The following CFAP54 variants were observed in gnomAD, a reference collection of about 807,000 sequenced individuals.
The protein encoded by CFAP54 is cilia- and flagella-associated protein 54.
In CFAP54, 290 loss-of-function variants were observed where a neutral mutation model predicts 370.4. The ratio of observed to expected loss-of-function variants is 0.78; its 90% CI spans 0.71 to 0.86. CFAP54 has a LOEUF of 0.86. CFAP54 is among the 40% of genes least tolerant of loss of function. CFAP54 has a pLI of 0.00. For missense variants in CFAP54, 3,399 were observed against 3,528.7 expected (o/e 0.96, Z 0.93); for synonymous variants, 1,206 against 1,236.5 (o/e 0.98, Z 0.52).
At chr12:96,609,550 C>T (rs1383611672) in intron 26 of CFAP54, among the ~76,000 whole-genome samples, 2 of 152,022 alleles carry the variant, frequency 1.3e-5, no homozygotes, top group African/African-American at 4.8e-5. Context: ...TGACTCCTAA[C>T]AGTGAGATTC....
At position 96,651,775 on chromosome 12, in the gene CFAP54, T is replaced by TTGACA; in HGVS notation, c.5063_5067dup (p.Leu1690ThrfsTer3). 6.2e-7 allele frequency: 1 copy of TTGACA among 1,612,046 alleles called. No homozygotes were observed. The highest frequency in any genetic ancestry group is 8.5e-7 in the Non-Finnish European group (1 of 1,178,118). Reference sequence around the variant, plus strand: ...TTCTATTTGGGAGCAGAATTACTTATTGACATGTTAATACAACTACAAAAT... The same window carrying TTGACA: ...TTCTATTTGGGAGCAGAATTACTTATTGACATGACATGTTAATACAACTACAAAAT... On this transcript the variant is annotated frameshift_variant, in exon 36 of 68. Coordinates refer to ENST00000524981, the MANE Select transcript of CFAP54 (RefSeq NM_001306084.2). LOFTEE classifies it high-confidence loss of function.
At position 96,630,580 on chromosome 12, in the gene CFAP54, T is replaced by TA. The variant is rs1274191949; in HGVS notation, c.4253dup (p.Glu1419GlyfsTer9). On this transcript the variant is annotated frameshift_variant, in exon 32 of 68. Transcript: ENST00000524981. LOFTEE classifies it high-confidence loss of function. ...CAGAAATGCAACAAAGAATAAGAAG[T>TA]AAAAAAAAGGAAACTCTAAGAGATT... 5.6e-5 allele frequency: 83 copies of TA among 1,487,032 alleles called. No homozygotes were observed. Among genetic ancestry groups the TA allele is most frequent in the Admixed American group, 2.3e-4 (10 of 42,962 alleles). 92.1% of individuals were successfully genotyped at this position (1,487,032 alleles called of 1,614,324 possible). A position where few individuals can be genotyped will look rare whatever the true frequency, so the allele number is the denominator to read the frequency against.
intron 46 of CFAP54, among the ~76,000 whole-genome samples, chr12:96,700,495 T>A (rs1387435901): frequency 6.6e-6 from 1 of 152,240 alleles, no homozygotes; most frequent in Non-Finnish European, 1.5e-5. Context: ...TTGATTTTCA[T>A]ACTTTATACC....
rs1040976570 is a variant in CFAP54 at position 96,765,330 on chromosome 12, T to C, written c.8281+112T>C. On this transcript the variant is annotated intron_variant, in intron 60 of 67. Transcript: ENST00000524981. ...GCTTTTAGCTTAGATGGGATAATGT[T>C]TGGGGGCACTTCCAGGGGATCATAG... The C allele has an allele frequency of 2.5e-5, 25 of 1,001,268 alleles. No individual in the cohort carries two copies. The East Asian group carries it at 3.1e-4, about 13-fold the overall frequency. 62.0% of individuals were successfully genotyped at this position (1,001,268 alleles called of 1,614,324 possible). A position where few individuals can be genotyped will look rare whatever the true frequency, so the allele number is the denominator to read the frequency against.
At chr12:96,587,642 A>G (rs1034682591) in intron 22 of CFAP54, among the ~76,000 whole-genome samples, 1 of 152,162 alleles carries the variant, frequency 6.6e-6, no homozygotes, top group African/African-American at 2.4e-5. Context: ...CTGTTTTGCA[A>G]TGTTAACTGA....
intron 63 of CFAP54, among the ~76,000 whole-genome samples, chr12:96,806,118 G>C (rs1223435936): frequency 8.8e-6 from 1 of 113,022 alleles, no homozygotes; most frequent in East Asian, 3.0e-4. Context: ...TCACTATTTA[G>C]GTGATGAGTA....
intron 66 of CFAP54, among the ~76,000 whole-genome samples, chr12:96,847,386 A>G (rs1566001393): frequency 1.3e-5 from 2 of 152,062 alleles, no homozygotes; most frequent in African/African-American, 2.4e-5. Context: ...GCTCCCCAGA[A>G]CCCATCCTTA....
At position 96,500,870 on chromosome 12, in the gene CFAP54, C is replaced by A; in HGVS notation, c.354C>A (p.Ala118=). Residue 118 remains alanine (A), a synonymous_variant, in exon 2 of 68, where the codon GCC becomes GCA. Transcript: ENST00000524981. ...TGTTTAATATCTGGACTAAATACGC[C>A]CCCAGGCTGCCAGCAGACTATTACA... ...TSLFNIWTKY[A]PRLPADYYNE... The A allele has an allele frequency of 6.5e-7, 1 of 1,535,538 alleles. No individual in the cohort carries two copies.
intron 32 of CFAP54, among the ~76,000 whole-genome samples, chr12:96,634,614 T>C (rs1037433469): frequency 6.6e-6 from 1 of 152,228 alleles, no homozygotes; most frequent in African/African-American, 2.4e-5. Context: ...GTCCAGCTTA[T>C]CAATTTTTCC....
Position 96,490,671 on chromosome 12 carries a change from G to A in CFAP54, c.317+745G>A, listed in dbSNP as rs181079431. Among the ~76,000 whole-genome samples the A allele has an allele frequency of 3.2e-3, 492 of 151,936 alleles. 3 individuals are homozygous for A. Among genetic ancestry groups the A allele is most frequent in the African/African-American group, 0.011 (469 of 41,410 alleles). ...CGCGCCACTACACTCCAGCCTGGGCGACAGAGCAAGACTCCTTCTCAAAAA... is the reference window on the plus strand; with the variant it reads ...CGCGCCACTACACTCCAGCCTGGGCAACAGAGCAAGACTCCTTCTCAAAAA... On this transcript the variant is annotated intron_variant, in intron 1 of 67. Transcript: ENST00000524981.
chr12:96,581,125 A>AT lies in CFAP54; in HGVS notation c.3075+26dup. The AT allele has an allele frequency of 1.4e-6, 2 of 1,403,958 alleles. No homozygotes were observed. Among genetic ancestry groups the AT allele is most frequent in the Non-Finnish European group, 1.9e-6 (2 of 1,075,992 alleles). The allele number at this position is 1,403,958 out of a possible 1,614,324, so 87.0% of individuals were successfully genotyped here. On this transcript the variant is annotated intron_variant, in intron 22 of 67. Transcript: ENST00000524981. ...ACACAGGTAGAAAAGATTTCTGCTA[A>AT]TTTTTTCCACTGTGTTTTTTTTTCC...
intron 32 of CFAP54, among the ~76,000 whole-genome samples, chr12:96,634,066 T>C (rs1224264809): frequency 7.6e-6 from 1 of 131,258 alleles, no homozygotes; most frequent in African/African-American, 2.8e-5. Context: ...TTTTTTTTTT[T>C]TTTTTTTGAG....
chr12:96,546,650 GA>G (rs1323776017), intron 14 of CFAP54, among the ~76,000 whole-genome samples: 1 of 152,148 alleles, frequency 6.6e-6, no homozygotes, highest in Non-Finnish European at 1.5e-5. Context: ...CCAACATGGT[GA>G]AACCCTGCCT....
At chr12:96,654,832 A>ATTTTTTTTTTTTTTTTTTTTTTTT (rs10631171) in intron 36 of CFAP54, among the ~76,000 whole-genome samples, 11 of 132,056 alleles carry the variant, frequency 8.3e-5, no homozygotes, top group East Asian at 2.6e-4. Flanking sequence ...ATTTCACTTA[A>ATTTTTTTTTTTTTTTTTTTTTTTT]TTTTTTTTTT....
intron 55 of CFAP54, among the ~76,000 whole-genome samples, chr12:96,746,734 C>T (rs1324517444): frequency 6.6e-6 from 1 of 152,156 alleles, no homozygotes; most frequent in Non-Finnish European, 1.5e-5. Flanking sequence ...TGTGACTGCA[C>T]GTGATGCATG....
chr12:96,824,669 C>G (rs1959066808), intron 65 of CFAP54, among the ~76,000 whole-genome samples: 1 of 152,028 alleles, frequency 6.6e-6, no homozygotes, highest in African/African-American at 2.4e-5. Flanking sequence ...TCTGCCTGTC[C>G]TCCATCATTT....
chr12:96,872,192 AAC>A (rs1356260849), intron 67 of CFAP54, among the ~76,000 whole-genome samples: 11 of 152,202 alleles, frequency 7.2e-5, no homozygotes, highest in Non-Finnish European at 1.6e-4. Flanking sequence ...CAGAAGAAAA[AAC>A]ACAAAGTCCT....
Position 96,647,983 on chromosome 12 carries a change from T to TA in CFAP54, c.4657dup (p.Thr1553AsnfsTer14), listed in dbSNP as rs777605469. 3.2e-5 allele frequency: 48 copies of TA among 1,513,004 alleles called. No homozygotes were observed. Among genetic ancestry groups the TA allele is most frequent in the Non-Finnish European group, 3.9e-5 (45 of 1,141,016 alleles). 93.7% of individuals were successfully genotyped at this position (1,513,004 alleles called of 1,614,324 possible). A position where few individuals can be genotyped will look rare whatever the true frequency, so the allele number is the denominator to read the frequency against. On this transcript the variant is annotated frameshift_variant, in exon 34 of 68. Coordinates refer to ENST00000524981, the MANE Select transcript of CFAP54 (RefSeq NM_001306084.2). LOFTEE classifies it high-confidence loss of function. Reference sequence around the variant, plus strand: ...ATAAAGCAATGCTTGATTTCCTTCTTACAGCCAAAAAAAGAAAGGCCAACT... The same window carrying TA: ...ATAAAGCAATGCTTGATTTCCTTCTTAACAGCCAAAAAAAGAAAGGCCAACT...
intron 40 of CFAP54, among the ~76,000 whole-genome samples, chr12:96,684,146 A>G (rs1957300125): frequency 2.0e-5 from 3 of 152,208 alleles, no homozygotes; most frequent in Non-Finnish European, 1.5e-5. Context: ...GAAATCTGAT[A>G]TGTGGTGATC....
Sources: gnomAD v4.1 joint callset for allele counts (sites outside exome capture counted in the v4.1 genomes callset) on GRCh38, gnomAD v4.1.1 for gene constraint, MANE v1.5 for transcripts, NCBI Gene and HGNC (gene_info 2026-07-23, HGNC 2026-07-21) for gene names.